PBX1: variants seen among roughly 807,000 people sequenced by gnomAD.
PBX1 encodes PBX homeobox 1.
In PBX1, 6 loss-of-function variants were observed where a neutral mutation model predicts 53.4. The ratio of observed to expected loss-of-function variants is 0.11; its 90% CI spans 0.06 to 0.22. PBX1 has a LOEUF of 0.22. Among genes scored for constraint, PBX1 ranks in the 10% least tolerant of loss-of-function variants. The probability of loss-of-function intolerance (pLI) is 1.00; values close to 1 mark genes in which losing one functional copy is unlikely to be tolerated. For missense variants in PBX1, 251 were observed against 551.4 expected (o/e 0.46, Z 5.46); for synonymous variants, 204 against 212.3 (o/e 0.96, Z 0.34).
At chr1:164,608,550 A>G (rs1656701930) in intron 2 of PBX1, among the ~76,000 whole-genome samples, 2 of 152,252 alleles carry the variant, frequency 1.3e-5, no homozygotes, top group Non-Finnish European at 2.9e-5. Flanking sequence ...TTAATCCAGC[A>G]AGAGAGATAG....
intron 8 of PBX1, among the ~76,000 whole-genome samples, chr1:164,840,446 A>T (rs1671238081): frequency 6.6e-6 from 1 of 152,162 alleles, no homozygotes; most frequent in Non-Finnish European, 1.5e-5. Context: ...CACACCAGAG[A>T]GAGAAAAGAT....
At chr1:164,651,341 C>T (rs1275949264) in intron 2 of PBX1, among the ~76,000 whole-genome samples, 1 of 151,922 alleles carries the variant, frequency 6.6e-6, no homozygotes. Context: ...AAGGTCTCTA[C>T]CTGGCTCATT....
intron 2 of PBX1, among the ~76,000 whole-genome samples, chr1:164,776,038 T>A (rs1667626300): frequency 6.6e-6 from 1 of 152,210 alleles, no homozygotes. Context: ...TATGACACTA[T>A]CATTTCCTTT....
chr1:164,676,193 C>A (rs998446712), intron 2 of PBX1, among the ~76,000 whole-genome samples: 4 of 152,130 alleles, frequency 2.6e-5, no homozygotes, highest in African/African-American at 9.7e-5. Context: ...CTGGGGACTC[C>A]ATGGACCTAT....
At chr1:164,851,863 A>G (rs1671857147), downstream of PBX1, 1 of 164,482 alleles carries the variant, frequency 6.1e-6, no homozygotes, top group African/African-American at 2.4e-5. Context: ...CTTTTCTTAC[A>G]TGCTGGCAAC....
chr1:164,568,378 G>T (rs1222992144), intron 2 of PBX1, among the ~76,000 whole-genome samples: 1 of 151,972 alleles, frequency 6.6e-6, no homozygotes, highest in African/African-American at 2.4e-5. Flanking sequence ...TAGAGACAGT[G>T]TCCTAGGTCC....
chr1:164,870,707 C>T (rs932334466), intron 2 of PBX1, among the ~76,000 whole-genome samples: 5 of 152,166 alleles, frequency 3.3e-5, no homozygotes, highest in African/African-American at 1.2e-4. Context: ...TCTAACATTT[C>T]TCTAGCTCTA....
At chr1:164,811,262 A>C (rs1669597228) in intron 5 of PBX1, among the ~76,000 whole-genome samples, 2 of 152,354 alleles carry the variant, frequency 1.3e-5, no homozygotes, top group Admixed American at 1.3e-4. Context: ...TACCAGATCA[A>C]GCCAAGACAC....
Position 164,713,060 on chromosome 1 carries a change from C to G in PBX1, c.266-79434C>G, listed in dbSNP as rs201611076. Among the ~76,000 whole-genome samples the G allele has an allele frequency of 1.9e-4, 29 of 152,260 alleles. No homozygotes were observed. In the East Asian group the frequency reaches 5.6e-3, roughly 29 times the overall value. On this transcript the variant is annotated intron_variant, in intron 2 of 8. Coordinates refer to ENST00000420696, the MANE Select transcript of PBX1 (RefSeq NM_002585.4). ...CAAGTCTTGAGTGTGGAGATCCTTA[C>G]AGTCTCCTTACATTGATTGAGGCTC... is the stretch of plus-strand genomic sequence containing the variant.
intron 2 of PBX1, among the ~76,000 whole-genome samples, chr1:164,595,581 C>A (rs1310848133): frequency 6.6e-6 from 1 of 151,766 alleles, no homozygotes; most frequent in Non-Finnish European, 1.5e-5. Context: ...TCATTGTCAG[C>A]GCCTAGCTCA....
chr1:164,855,226 G>A (rs986843746), downstream of PBX1, among the ~76,000 whole-genome samples: 4 of 152,074 alleles, frequency 2.6e-5, no homozygotes, highest in East Asian at 1.9e-4. Context: ...GATTATAGGC[G>A]TGAGCCACCA....
rs151115380 is a variant in PBX1, at chr1:164,755,085, C to T, written c.266-37409C>T. On this transcript the variant is annotated intron_variant, in intron 2 of 8. Coordinates refer to ENST00000420696, the MANE Select transcript of PBX1 (RefSeq NM_002585.4). The stretch of plus-strand genomic sequence containing the variant: ...GGAAGAACAAAAGTGAGTCAACTGT[C>T]AGCTTCTCCAGCTACCCTAGAAAAG... Among the ~76,000 whole-genome samples the T allele has an allele frequency of 9.2e-3, 1,396 of 152,332 alleles. 9 individuals are homozygous for T. Among genetic ancestry groups the T allele is most frequent in the Non-Finnish European group, 0.014 (927 of 68,032 alleles).
At chr1:164,606,074 T>G (rs1316705278) in intron 2 of PBX1, among the ~76,000 whole-genome samples, 1 of 152,178 alleles carries the variant, frequency 6.6e-6, no homozygotes, top group East Asian at 1.9e-4. Flanking sequence ...AGGCTGTGGG[T>G]AGTGTAAGAG....
At chr1:164,635,253 C>A (rs1348949331) in intron 2 of PBX1, among the ~76,000 whole-genome samples, 1 of 152,116 alleles carries the variant, frequency 6.6e-6, no homozygotes, top group Non-Finnish European at 1.5e-5. Context: ...CAGTCCCCTG[C>A]TCCCCTGCTG....
intron 2 of PBX1, among the ~76,000 whole-genome samples, chr1:164,881,368 AGAAG>A (rs199990223): frequency 0.18 from 2,105 of 11,778 alleles, 177 homozygotes; most frequent in Middle Eastern, 0.4. Context: ...AAGGAGGAAA[AGAAG>A]GAAGGAAGGA....
rs553810418 is a variant in PBX1 at position 164,590,694 on chromosome 1, G to A, written c.265+27383G>A. ...GATGGTTAGAGCAATTGGGAGTTTA[G>A]TCTGTTGGGGTAAACAGGGCATTGA... On this transcript the variant is annotated intron_variant, in intron 2 of 8. Transcript: ENST00000420696. Among the ~76,000 whole-genome samples the A allele has an allele frequency of 5.3e-5, 8 of 152,190 alleles. No individual in the cohort carries two copies. The South Asian group carries it at 1.7e-3, about 32-fold the overall frequency.
chr1:164,743,845 CCAGTATAACA>C (rs1397067790), intron 2 of PBX1, among the ~76,000 whole-genome samples: 1 of 152,146 alleles, frequency 6.6e-6, no homozygotes, highest in Admixed American at 6.5e-5. Flanking sequence ...TCTTAAAACT[CCAGTATAACA>C]CTTACATATA....
intron 2 of PBX1, among the ~76,000 whole-genome samples, chr1:164,587,005 TTGTAAGGA>T (rs2101755632): frequency 6.6e-6 from 1 of 152,250 alleles, no homozygotes; most frequent in South Asian, 2.1e-4. Context: ...CAGCTCTGCG[TTGTAAGGA>T]TGTCATGCAT....
At chr1:164,878,238 T>C (rs952425730) in intron 2 of PBX1, among the ~76,000 whole-genome samples, 1 of 152,184 alleles carries the variant, frequency 6.6e-6, no homozygotes, top group African/African-American at 2.4e-5. Flanking sequence ...AACTACATTA[T>C]AGGGTTACTG....
Sources: allele counts gnomAD v4.1 joint callset (sites outside exome capture counted in the v4.1 genomes callset), GRCh38; gene constraint gnomAD v4.1.1; transcripts MANE v1.5; gene names NCBI Gene and HGNC (gene_info 2026-07-23, HGNC 2026-07-21).